CCSER1: variants seen among roughly 807,000 people sequenced by gnomAD.
CCSER1 encodes the protein coiled-coil serine rich protein 1, also known as serine-rich coiled-coil domain-containing protein 1.
A neutral mutation model predicts 82.0 loss-of-function variants in CCSER1; 41 were observed. That is an observed-to-expected ratio of 0.50 (90% CI 0.39 to 0.65). The LOEUF is 0.65. CCSER1 is among the 30% of genes least tolerant of loss of function. CCSER1 has a pLI of 0.00. For missense variants in CCSER1, 1,119 were observed against 1,064.2 expected, an observed-to-expected ratio of 1.05 and a Z score of -0.72; for synonymous variants, 414 against 383.9, an observed-to-expected ratio of 1.08 and a Z score of -0.92.
At chr4:90,719,207 A>C (rs947613032) in intron 6 of CCSER1, among the ~76,000 whole-genome samples, 3 of 152,168 alleles carry the variant, frequency 2.0e-5, no homozygotes, top group African/African-American at 2.4e-5. Context: ...GCGGCATTAG[A>C]GACCCTTAGG....
intron 9 of CCSER1, among the ~76,000 whole-genome samples, chr4:90,926,019 A>G (rs1225380844): frequency 6.6e-6 from 1 of 152,062 alleles, no homozygotes; most frequent in African/African-American, 2.4e-5. Flanking sequence ...AGTATCATAA[A>G]CTACATAACT....
chr4:90,242,384 A>C (rs976120749), intron 1 of CCSER1, among the ~76,000 whole-genome samples: 1 of 152,224 alleles, frequency 6.6e-6, no homozygotes, highest in African/African-American at 2.4e-5. Flanking sequence ...TCCCAATGTT[A>C]AGGAACTTAA....
At chr4:91,532,870 A>T (rs1043847454) in intron 10 of CCSER1, among the ~76,000 whole-genome samples, 3 of 149,032 alleles carry the variant, frequency 2.0e-5, no homozygotes, top group African/African-American at 7.5e-5. Flanking sequence ...ACCCTGTCTC[A>T]TAAAAAAAAA....
At chr4:91,078,330 C>G (rs1007202358) in intron 9 of CCSER1, among the ~76,000 whole-genome samples, 3 of 152,138 alleles carry the variant, frequency 2.0e-5, no homozygotes, top group Non-Finnish European at 4.4e-5. Flanking sequence ...GAGTGGACTT[C>G]CAGCAAACTC....
At chr4:90,772,422 T>C (rs1752320313) in intron 7 of CCSER1, among the ~76,000 whole-genome samples, 1 of 152,154 alleles carries the variant, frequency 6.6e-6, no homozygotes, top group Admixed American at 6.5e-5. Flanking sequence ...TTGATTACTG[T>C]TCTATATATT....
chr4:90,169,341 T>A (rs1731180961), intron 1 of CCSER1, among the ~76,000 whole-genome samples: 1 of 152,152 alleles, frequency 6.6e-6, no homozygotes, highest in Non-Finnish European at 1.5e-5. Context: ...CCTGAGACTT[T>A]GCTGAAGTTG....
At position 90,511,310 on chromosome 4, in the gene CCSER1, C is replaced by T. The variant is rs186404337; in HGVS notation, c.1724+42956C>T. 9.0e-4 allele frequency among the ~76,000 whole-genome samples: 137 copies of T among 152,140 alleles called. 2 individuals are homozygous for T. Among genetic ancestry groups the T allele is most frequent in the East Asian group, 4.1e-3 (21 of 5,160 alleles). On this transcript the variant is annotated intron_variant, in intron 5 of 10. Coordinates refer to ENST00000509176, the MANE Select transcript of CCSER1 (RefSeq NM_001145065.2). The stretch of plus-strand genomic sequence containing the variant: ...GCACACACCTGTAGTCCCAGCTACT[C>T]GGGAGGCTGAGGCAGGAGAATTGTG...
At chr4:90,928,083 A>C (rs1729280124) in intron 9 of CCSER1, among the ~76,000 whole-genome samples, 1 of 152,028 alleles carries the variant, frequency 6.6e-6, no homozygotes, top group East Asian at 1.9e-4. Flanking sequence ...CATTTATTAG[A>C]AAAAAGTGAC....
chr4:90,190,585 T>C lies in CCSER1; in HGVS notation c.-42+62754T>C, dbSNP rs184072631. Among the ~76,000 whole-genome samples, 12 of 152,228 alleles carry C rather than the reference T, an allele frequency of 7.9e-5. No homozygotes were observed. The East Asian group carries it at 2.1e-3, about 27-fold the overall frequency. The stretch of plus-strand genomic sequence containing the variant: ...TGTGAATATTTGTATGTATGTGAGC[T>C]TGATAACAAACATAAATTTACAAAC... On this transcript the variant is annotated intron_variant, in intron 1 of 10. Transcript: ENST00000509176.
At chr4:90,782,803 T>C (rs112886296) in intron 7 of CCSER1, among the ~76,000 whole-genome samples, 28,266 of 149,382 alleles carry the variant, frequency 0.19, 3,260 homozygotes, top group South Asian at 0.27. Context: ...TGCCTCAGCC[T>C]TCCGAGTAGC....
chr4:90,773,704 T>C (rs979502057), intron 7 of CCSER1, among the ~76,000 whole-genome samples: 78 of 152,288 alleles, frequency 5.1e-4, no homozygotes, highest in Middle Eastern at 3.4e-3. Flanking sequence ...TGCTTTGTAA[T>C]TAGAATATTT....
At chr4:90,130,147 CTCA>C (rs1435414551) in intron 1 of CCSER1, among the ~76,000 whole-genome samples, 1 of 152,068 alleles carries the variant, frequency 6.6e-6, no homozygotes, top group Non-Finnish European at 1.5e-5. Flanking sequence ...CATTTTATTA[CTCA>C]TCATAATGCT....
chr4:91,158,693 G>A (rs1053230201), intron 10 of CCSER1, among the ~76,000 whole-genome samples: 67 of 151,272 alleles, frequency 4.4e-4, no homozygotes, highest in African/African-American at 1.3e-3. Flanking sequence ...GCACATGCAC[G>A]CACACACACA....
At chr4:91,492,943 G>A (rs1171443213) in intron 10 of CCSER1, among the ~76,000 whole-genome samples, 4 of 151,956 alleles carry the variant, frequency 2.6e-5, no homozygotes, top group Admixed American at 2.0e-4. Context: ...AGTATGACTA[G>A]ACACATGAGT....
At chr4:90,411,445 C>T (rs540717791) in intron 4 of CCSER1, among the ~76,000 whole-genome samples, 1 of 152,288 alleles carries the variant, frequency 6.6e-6, no homozygotes, top group Non-Finnish European at 1.5e-5. Context: ...GGGCTTCATC[C>T]CTGGGATGCA....
Position 91,089,219 on chromosome 4 carries a change from C to T in CCSER1, c.2217+3225C>T, listed in dbSNP as rs28507248. On this transcript the variant is annotated intron_variant, in intron 10 of 10. Transcript: ENST00000509176. Reference sequence around the variant, plus strand: ...CGGTATGTGACAGGGGCTGCAAGCACCAGCAATCAGAGTGAAACAGAACAG... The same window carrying T: ...CGGTATGTGACAGGGGCTGCAAGCATCAGCAATCAGAGTGAAACAGAACAG... 1.5e-3 allele frequency among the ~76,000 whole-genome samples: 226 copies of T among 152,238 alleles called. 1 individual carries two copies. Among genetic ancestry groups the T allele is most frequent in the South Asian group, 3.9e-3 (19 of 4,824 alleles).
intron 10 of CCSER1, among the ~76,000 whole-genome samples, chr4:91,330,425 C>T (rs1279801156): frequency 2.0e-5 from 3 of 152,102 alleles, no homozygotes; most frequent in South Asian, 2.1e-4. Context: ...CCAAGAATGT[C>T]TCTTACAGAG....
chr4:90,380,599 C>T (rs1749053046), intron 3 of CCSER1, among the ~76,000 whole-genome samples: 1 of 152,134 alleles, frequency 6.6e-6, no homozygotes, highest in South Asian at 2.1e-4. Flanking sequence ...GTTATTTATT[C>T]CCTTATTCTT....
At chr4:91,415,624 T>C (rs149199270) in intron 10 of CCSER1, among the ~76,000 whole-genome samples, 1,760 of 152,242 alleles carry the variant, frequency 0.012, 18 homozygotes, top group Middle Eastern at 0.027. Context: ...CATGAAGCGA[T>C]GTTGAATATT....
Sources: gnomAD v4.1 joint callset for allele counts (sites outside exome capture counted in the v4.1 genomes callset) on GRCh38, gnomAD v4.1.1 for gene constraint, MANE v1.5 for transcripts, NCBI Gene and HGNC (gene_info 2026-07-23, HGNC 2026-07-21) for gene names.